The following DACH2 variants were observed in gnomAD, a reference collection of about 807,000 sequenced individuals.
DACH2 encodes dachshund family transcription factor 2.
In DACH2, 17 loss-of-function variants were observed where a neutral mutation model predicts 35.8. That is an observed-to-expected ratio of 0.48 (90% CI 0.33 to 0.71). The LOEUF is 0.71. DACH2 is among the 30% of genes least tolerant of loss of function. The probability of loss-of-function intolerance (pLI) is 0.02; values close to 1 mark genes in which losing one functional copy is unlikely to be tolerated. For synonymous variants in DACH2, 195 were observed against 177.3 expected (o/e 1.10, Z -0.79); for missense variants, 469 against 472.7 (o/e 0.99, Z 0.07).
chrX:86,822,085 C>A (rs1470553140), intron 11 of DACH2, among the ~76,000 whole-genome samples: 10 of 111,632 alleles, frequency 9.0e-5, no homozygotes, highest in Non-Finnish European at 1.7e-4. Flanking sequence ...CCAACCCCAA[C>A]CTAGGTATAC....
At chrX:86,539,103 C>G (rs185986510) in intron 3 of DACH2, among the ~76,000 whole-genome samples, 1 of 111,084 alleles carries the variant, frequency 9.0e-6, no homozygotes, top group African/African-American at 3.3e-5. Context: ...GTAATCCTTA[C>G]GTTTTCAGGG....
intron 2 of DACH2, among the ~76,000 whole-genome samples, chrX:86,449,888 C>T (rs746753723): frequency 2.7e-5 from 3 of 111,480 alleles, no homozygotes; most frequent in African/African-American, 9.7e-5. Context: ...CGTCTTTTTA[C>T]TTACATACTT....
intron 1 of DACH2, among the ~76,000 whole-genome samples, chrX:86,266,348 G>A (rs757230193): frequency 5.4e-5 from 6 of 111,417 alleles, no homozygotes; most frequent in South Asian, 3.8e-4. Context: ...CTGGAAACAC[G>A]GGTGTCATAC....
chrX:86,596,500 A>AT (rs1165310119), intron 3 of DACH2, among the ~76,000 whole-genome samples: 1 of 111,385 alleles, frequency 9.0e-6, no homozygotes, highest in Non-Finnish European at 1.9e-5. Flanking sequence ...CTTATTGGCC[A>AT]TTTGTACATG....
At chrX:86,705,319 A>G (rs1366050259) in intron 5 of DACH2, among the ~76,000 whole-genome samples, 1 of 109,646 alleles carries the variant, frequency 9.1e-6, no homozygotes, top group Non-Finnish European at 1.9e-5. Flanking sequence ...GAGGGATAAA[A>G]GACTATAAAA....
At chrX:86,535,364 C>G (rs544176249) in intron 3 of DACH2, among the ~76,000 whole-genome samples, 23 of 111,596 alleles carry the variant, frequency 2.1e-4, no homozygotes, top group African/African-American at 7.2e-4. Flanking sequence ...TAATTATAAA[C>G]CAAAAGTAAT....
chrX:86,750,651 G>A (rs147590684), intron 7 of DACH2, among the ~76,000 whole-genome samples: 129 of 111,532 alleles, frequency 1.2e-3, no homozygotes, highest in African/African-American at 4.1e-3. Flanking sequence ...TATGAGTTTG[G>A]CTATTTTACA....
intron 5 of DACH2, among the ~76,000 whole-genome samples, chrX:86,707,932 T>TAAAAAAAAAAAAAAAA (rs2041237438): frequency 4.1e-5 from 1 of 24,362 alleles, no homozygotes; most frequent in Non-Finnish European, 7.8e-5. Context: ...AAAAAAAAAT[T>TAAAAAAAAAAAAAAAA]ACACACCATG....
intron 1 of DACH2, among the ~76,000 whole-genome samples, chrX:86,247,422 G>C (rs1444354401): frequency 9.0e-6 from 1 of 110,872 alleles, no homozygotes; most frequent in Non-Finnish European, 1.9e-5. Flanking sequence ...AAAATAATCA[G>C]AAATGACAAA....
intron 6 of DACH2, among the ~76,000 whole-genome samples, chrX:86,720,228 C>T (rs1173134342): frequency 9.0e-6 from 1 of 110,627 alleles, no homozygotes; most frequent in Non-Finnish European, 1.9e-5. Flanking sequence ...TGAGCCACTG[C>T]ACCTGGCCTA....
In DACH2 at chrX:86,823,023, G is replaced by A. The variant is rs529351290; in HGVS notation, c.1750+6924G>A. On this transcript the variant is annotated intron_variant, in intron 11 of 11. Coordinates refer to ENST00000373125, the MANE Select transcript of DACH2 (RefSeq NM_053281.3). ...CAGGCAGGAGTGCAGTGGCATATCGGCTCACTGCGACCTCTGCCTCTCAAG... is the reference window on the plus strand; with the variant it reads ...CAGGCAGGAGTGCAGTGGCATATCGACTCACTGCGACCTCTGCCTCTCAAG... Among the ~76,000 whole-genome samples the A allele has an allele frequency of 8.1e-5, 9 of 111,232 alleles. No homozygotes were observed. The South Asian group carries it at 3.4e-3, about 42-fold the overall frequency.
chrX:86,368,854 T>C (rs1280207429), intron 1 of DACH2, among the ~76,000 whole-genome samples: 1 of 110,997 alleles, frequency 9.0e-6, no homozygotes, highest in Non-Finnish European at 1.9e-5. Context: ...AGTTAATTCT[T>C]TGCAGTGCAT....
intron 3 of DACH2, among the ~76,000 whole-genome samples, chrX:86,568,511 A>G (rs1435534536): frequency 1.8e-5 from 2 of 111,657 alleles, no homozygotes; most frequent in African/African-American, 6.5e-5. Context: ...AACTTTCAGT[A>G]ATTGGTGTTA....
At chrX:86,807,274 A>G (rs1405012818) in intron 7 of DACH2, among the ~76,000 whole-genome samples, 2 of 112,204 alleles carry the variant, frequency 1.8e-5, no homozygotes, top group Non-Finnish European at 3.8e-5. Flanking sequence ...TTCAACTACC[A>G]TTTATTTAAT....
In DACH2 at chrX:86,318,787, T is replaced by A. The variant is rs767368406; in HGVS notation, c.489-58037T>A. 4.5e-5 allele frequency among the ~76,000 whole-genome samples: 5 copies of A among 111,483 alleles called. No homozygotes were observed. The East Asian group carries it at 1.4e-3, about 31-fold the overall frequency. ...AGGAAAGACAACCTTGAGACTAAAG[T>A]TTGATTTTGGGAACCTGTTAAAGAT... On this transcript the variant is annotated intron_variant, in intron 1 of 11. Coordinates refer to ENST00000373125, the MANE Select transcript of DACH2 (RefSeq NM_053281.3).
At chrX:86,794,958 A>G (rs1425636571) in intron 7 of DACH2, among the ~76,000 whole-genome samples, 2 of 111,602 alleles carry the variant, frequency 1.8e-5, no homozygotes, top group African/African-American at 6.5e-5. Flanking sequence ...GCACTTCACC[A>G]TCTGTTAATA....
chrX:86,179,512 A>G (rs2031407884), intron 1 of DACH2, among the ~76,000 whole-genome samples: 1 of 111,992 alleles, frequency 8.9e-6, no homozygotes, highest in Non-Finnish European at 1.9e-5. Context: ...TAGTAGATGA[A>G]TCTATGTATT....
At chrX:86,771,064 G>A (rs1262111581) in intron 7 of DACH2, among the ~76,000 whole-genome samples, 3 of 113,198 alleles carry the variant, frequency 2.7e-5, no homozygotes, top group Non-Finnish European at 3.7e-5. Flanking sequence ...TTTCATATGA[G>A]TATCACAGAA....
At chrX:86,482,518 G>T in intron 2 of DACH2, among the ~76,000 whole-genome samples, 1 of 109,643 alleles carries the variant, frequency 9.1e-6, no homozygotes. Context: ...TGTCTTTATA[G>T]CAGCATGATT....
Sources: allele counts gnomAD v4.1 joint callset (sites outside exome capture counted in the v4.1 genomes callset), GRCh38; gene constraint gnomAD v4.1.1; transcripts MANE v1.5; gene names NCBI Gene and HGNC (gene_info 2026-07-23, HGNC 2026-07-21).